Variants in PSMB2 observed in about 807,000 individuals in gnomAD.
The protein encoded by PSMB2 is proteasome 20S subunit beta 2.
In PSMB2, 13 loss-of-function variants were observed where a neutral mutation model predicts 25.7. The ratio of observed to expected loss-of-function variants is 0.51; its 90% CI spans 0.33 to 0.80. The LOEUF (loss-of-function observed/expected upper bound fraction) is 0.80, where lower values mean the gene tolerates loss of function less well. Ranked by LOEUF, PSMB2 falls within the 30% of genes least tolerant of loss-of-function variation. The pLI is 0.02. For missense variants in PSMB2, 202 were observed against 259.0 expected, an observed-to-expected ratio of 0.78 and a Z score of 1.51; for synonymous variants, 87 against 96.2, an observed-to-expected ratio of 0.90 and a Z score of 0.56.
intron 4 of PSMB2, among the ~76,000 whole-genome samples, chr1:35,609,027 C>T (rs1013614717): frequency 1.3e-5 from 2 of 152,220 alleles, no homozygotes; most frequent in African/African-American, 4.8e-5. Context: ...GAGATATGTA[C>T]TATCTCATTT....
intron 3 of PSMB2, among the ~76,000 whole-genome samples, chr1:35,627,730 G>A (rs373006485): frequency 3.3e-5 from 5 of 152,166 alleles, no homozygotes; most frequent in African/African-American, 9.7e-5. Context: ...GGGAAATTAA[G>A]CTTAGAATTT....
In PSMB2 at chr1:35,603,273, G is replaced by A; in HGVS notation, c.600C>T (p.Gly200=). The A allele has an allele frequency of 6.2e-7, 1 of 1,614,138 alleles. No individual in the cohort carries two copies. The highest frequency in any genetic ancestry group is 8.5e-7 in the Non-Finnish European group (1 of 1,179,998). ...TGGGAGGGAGGACATGATGTTAGGA[G>A]CCCTGTTTGGGGAAGGAAATGTTAT... is the stretch of plus-strand genomic sequence containing the variant. The part of the protein sequence containing the change: ...DLDNISFPKQ[G]S Residue 200 remains glycine (G), a synonymous_variant, in exon 6 of 6, where the codon GGC becomes GGT. Transcript: ENST00000373237.
intron 3 of PSMB2, among the ~76,000 whole-genome samples, chr1:35,628,360 T>C (rs1028285119): frequency 3.3e-5 from 5 of 151,748 alleles, no homozygotes; most frequent in Non-Finnish European, 7.4e-5. Context: ...ATTCACTTAA[T>C]GTCTGTGATA....
chr1:35,610,588 C>T (rs1206407458), intron 3 of PSMB2, among the ~76,000 whole-genome samples: 1 of 152,018 alleles, frequency 6.6e-6, no homozygotes, highest in Non-Finnish European at 1.5e-5. Flanking sequence ...CTCTACCTCC[C>T]AGGTTCAAGC....
intron 3 of PSMB2, among the ~76,000 whole-genome samples, chr1:35,624,330 C>A (rs511216): frequency 1 from 152,080 of 152,302 alleles, 75,932 homozygotes; most frequent in Middle Eastern, 1. Flanking sequence ...CTAGTATTAA[C>A]CCTCCTATTG....
intron 3 of PSMB2, among the ~76,000 whole-genome samples, chr1:35,611,340 G>C (rs533372094): frequency 6.6e-5 from 10 of 151,922 alleles, no homozygotes; most frequent in Middle Eastern, 3.2e-3. Context: ...GCTTTTTTTG[G>C]GGGGAGGGGT....
At chr1:35,604,263 C>G (rs1650095381) in intron 5 of PSMB2, among the ~76,000 whole-genome samples, 1 of 152,134 alleles carries the variant, frequency 6.6e-6, no homozygotes, top group Non-Finnish European at 1.5e-5. Flanking sequence ...ATACCCAAAG[C>G]CTTAGACTCT....
At chr1:35,629,863 C>T (rs1651038454) in intron 3 of PSMB2, among the ~76,000 whole-genome samples, 1 of 151,990 alleles carries the variant, frequency 6.6e-6, no homozygotes, top group Non-Finnish European at 1.5e-5. Context: ...GATAAGCAAT[C>T]TCGAGATAAA....
Position 35,601,840 on chromosome 1 carries a change from A to C in PSMB2, c.*1427T>G. On this transcript the variant is annotated 3_prime_UTR_variant, in exon 6 of 6. Coordinates refer to ENST00000373237, the MANE Select transcript of PSMB2 (RefSeq NM_002794.5). ...ACATCTGGTCAAGAACCACTGTTTT[A>C]ATAGCTTTAACCACAAAACATCCAC... is the stretch of plus-strand genomic sequence containing the variant. 1 of 985,446 alleles carries C rather than the reference A, an allele frequency of 1.0e-6. No homozygotes were observed. Among genetic ancestry groups the C allele is most frequent in the South Asian group, 4.7e-5 (1 of 21,280 alleles). 61.0% of individuals were successfully genotyped at this position (985,446 alleles called of 1,614,324 possible). A position where few individuals can be genotyped will look rare whatever the true frequency, so the allele number is the denominator to read the frequency against.
chr1:35,609,300 G>T lies in PSMB2; in HGVS notation c.394C>A (p.His132Asn). Residue 132 changes from histidine (H) to asparagine (N), a missense_variant, in exon 4 of 6, where the codon CAC becomes AAC. By Grantham distance (68) the His-to-Asn change is moderately conservative. Coordinates refer to ENST00000373237, the MANE Select transcript of PSMB2 (RefSeq NM_002794.5). ...AALAKAPFAAHGYGAFLTLSI... is the reference protein window; with the variant it reads ...AALAKAPFAANGYGAFLTLSI... ...AGAGTCAGGAAGGCACCATAGCCGT[G>T]GGCTGCAAAAGGGGCCTTGGCCAAG... The T allele has an allele frequency of 6.2e-7, 1 of 1,613,328 alleles. No individual in the cohort carries two copies. Among genetic ancestry groups the T allele is most frequent in the Non-Finnish European group, 8.5e-7 (1 of 1,179,618 alleles).
intron 1 of PSMB2, among the ~76,000 whole-genome samples, chr1:35,638,991 C>T (rs1042577471): frequency 3.3e-5 from 5 of 152,136 alleles, no homozygotes; most frequent in Admixed American, 1.3e-4. Flanking sequence ...CGGTGGCTCA[C>T]GCCTGTAATC....
chr1:35,609,737 T>G (rs1256548723), intron 3 of PSMB2, among the ~76,000 whole-genome samples: 1 of 152,212 alleles, frequency 6.6e-6, no homozygotes, highest in Non-Finnish European at 1.5e-5. Flanking sequence ...AGAGTGACTA[T>G]AGTTAATAAT....
At chr1:35,625,358 T>C (rs1650823666) in intron 3 of PSMB2, among the ~76,000 whole-genome samples, 2 of 152,166 alleles carry the variant, frequency 1.3e-5, no homozygotes, top group South Asian at 4.1e-4. Flanking sequence ...AATTTCACGT[T>C]CCCAAGGACA....
rs768038687 is a variant in PSMB2 at position 35,603,244 on chromosome 1, C to A, written c.*23G>T. On this transcript the variant is annotated 3_prime_UTR_variant, in exon 6 of 6. Coordinates refer to ENST00000373237, the MANE Select transcript of PSMB2 (RefSeq NM_002794.5). ...AGCCCATCAAAAAAAAGTTCCCTGG[C>A]AAGTGGGAGGGAGGACATGATGTTA... is the stretch of plus-strand genomic sequence containing the variant. 4 of 1,601,086 alleles carry A rather than the reference C, an allele frequency of 2.5e-6. No homozygotes were observed. The highest frequency in any genetic ancestry group is 3.4e-6 in the Non-Finnish European group (4 of 1,176,646).
chr1:35,625,045 A>G (rs990413830), intron 3 of PSMB2, among the ~76,000 whole-genome samples: 1 of 119,994 alleles, frequency 8.3e-6, no homozygotes, highest in Non-Finnish European at 1.8e-5. Flanking sequence ...TGGGTGACAG[A>G]GCGAAACTCC....
In PSMB2 at chr1:35,610,267, G is replaced by C. The variant is rs188904281; in HGVS notation, c.286-859C>G. ...CAGCCTAGGTAACACAGTGGGACTT[G>C]GTTTCTACAAAAAAACTAAAAAATT... On this transcript the variant is annotated intron_variant, in intron 3 of 5. Transcript: ENST00000373237. Among the ~76,000 whole-genome samples the C allele has an allele frequency of 4.9e-3, 750 of 152,074 alleles. 15 individuals are homozygous for C. The highest frequency in any genetic ancestry group is 0.041 in the Admixed American group (632 of 15,282).
At chr1:35,624,625 T>C (rs2148572051) in intron 3 of PSMB2, among the ~76,000 whole-genome samples, 1 of 150,268 alleles carries the variant, frequency 6.7e-6, no homozygotes, top group East Asian at 2.0e-4. Flanking sequence ...TGGTGATGCA[T>C]GCCTGTAATC....
chr1:35,604,934 C>T (rs1340778150), intron 5 of PSMB2, among the ~76,000 whole-genome samples: 1 of 152,174 alleles, frequency 6.6e-6, no homozygotes, highest in Non-Finnish European at 1.5e-5. Context: ...GCAGAGATGG[C>T]AATCTGTTTA....
chr1:35,607,742 C>T (rs140375865), intron 4 of PSMB2, among the ~76,000 whole-genome samples: 128 of 152,250 alleles, frequency 8.4e-4, no homozygotes, highest in African/African-American at 2.9e-3. Context: ...GGAAATATTG[C>T]ACCCCAGTGT....
Sources: allele counts gnomAD v4.1 joint callset (sites outside exome capture counted in the v4.1 genomes callset), GRCh38; gene constraint gnomAD v4.1.1; transcripts MANE v1.5; gene names NCBI Gene and HGNC (gene_info 2026-07-23, HGNC 2026-07-21).